FBRS: variants seen among roughly 807,000 people sequenced by gnomAD.
FBRS encodes the protein probable fibrosin-1.
In FBRS, 15 loss-of-function variants were observed where a neutral mutation model predicts 86.1. The ratio of observed to expected loss-of-function variants is 0.17; its 90% CI spans 0.12 to 0.27. The LOEUF (loss-of-function observed/expected upper bound fraction) is 0.27, where lower values mean the gene tolerates loss of function less well. Among genes scored for constraint, FBRS ranks in the 10% least tolerant of loss-of-function variants. The pLI, the probability that FBRS is intolerant of heterozygous loss-of-function variation, is 1.00. For synonymous variants in FBRS, 666 were observed against 575.8 expected (o/e 1.16, Z -2.24); for missense variants, 1,367 against 1,301.6 (o/e 1.05, Z -0.77).
rs948073738 is a variant in FBRS, at chr16:30,659,550, C to T, written c.32C>T (p.Pro11Leu). 6 of 316,956 alleles carry T rather than the reference C, an allele frequency of 1.9e-5. No individual in the cohort carries two copies. The highest frequency in any genetic ancestry group is 5.0e-5 in the Admixed American group (1 of 19,956). The allele number at this position is 316,956 out of a possible 1,614,324, so 19.6% of individuals were successfully genotyped here. A position where few individuals can be genotyped will look rare whatever the true frequency, so the allele number is the denominator to read the frequency against. The change falls in exon 1 of 18, where the codon CCG (proline) becomes CTG (leucine). Residue 11 changes from proline (P) to leucine (L), a missense_variant. Physicochemically the swap from Pro to Leu is moderately conservative, Grantham distance 98. This residue lies in a region of FBRS where 702 missense variants were observed against 598.7 expected (regional missense o/e 1.17). Coordinates refer to ENST00000356166, the MANE Select transcript of FBRS (RefSeq NM_001105079.3). METAAAAAPG[P>L]GWAAEGERRR... ...ACGGCAGCGGCCGCGGCCCCGGGTCCGGGCTGGGCAGCAGAGGGGGAGCGC... is the reference window on the plus strand; with the variant it reads ...ACGGCAGCGGCCGCGGCCCCGGGTCTGGGCTGGGCAGCAGAGGGGGAGCGC...
Position 30,664,303 on chromosome 16 carries a change from G to A in FBRS, c.1144G>A (p.Ala382Thr). The change falls in exon 7 of 18, where the codon GCC becomes ACC. Residue 382 changes from alanine to threonine, a missense_variant. By Grantham distance (58) the Ala-to-Thr change is moderately conservative. This residue lies in a region of FBRS where 702 missense variants were observed against 598.7 expected (regional missense o/e 1.17). Transcript: ENST00000356166. Reference protein sequence around the residue: ...SSSSSSSSSSASSSSAQLTHR... With the variant: ...SSSSSSSSSSTSSSSAQLTHR... ...CTCTTCGTCCTCCTCCTCCTCATCT[G>A]CCTCCTCCTCGTCCGCGCAGCTCAC... 1 of 1,504,856 alleles carries A rather than the reference G, an allele frequency of 6.6e-7. No individual in the cohort carries two copies. Among genetic ancestry groups the A allele is most frequent in the South Asian group, 1.3e-5 (1 of 78,772 alleles). 93.2% of individuals were successfully genotyped at this position (1,504,856 alleles called of 1,614,324 possible). A position where few individuals can be genotyped will look rare whatever the true frequency, so the allele number is the denominator to read the frequency against.
chr16:30,666,627 G>T, intron 12 of FBRS, 86 bp downstream of exon 12: 2 of 1,596,522 alleles, frequency 1.3e-6, no homozygotes, highest in Non-Finnish European at 1.7e-6. Context: ...TTACAAATAA[G>T]TGAGAAGCCC....
chr16:30,661,612 G>A (rs541626510), intron 4 of FBRS, among the ~76,000 whole-genome samples: 2 of 152,160 alleles, frequency 1.3e-5, no homozygotes, highest in Non-Finnish European at 2.9e-5. Flanking sequence ...GGTTCTCCAC[G>A]GAAACCCAGA....
In FBRS at chr16:30,659,814, C is replaced by T; in HGVS notation, c.296C>T (p.Pro99Leu). The T allele has an allele frequency of 6.6e-7, 1 of 1,517,796 alleles. No homozygotes were observed. Among genetic ancestry groups the T allele is most frequent in the South Asian group, 1.2e-5 (1 of 82,860 alleles). The allele number at this position is 1,517,796 out of a possible 1,614,324, so 94.0% of individuals were successfully genotyped here. ...CCGCGACCCCGAGCTCGGAAGCGGCCTGCCGGCTCGGGCAGCCGCGGGGAG... is the reference window on the plus strand; with the variant it reads ...CCGCGACCCCGAGCTCGGAAGCGGCTTGCCGGCTCGGGCAGCCGCGGGGAG... Reference protein sequence around the residue: ...RPPRPRARKRPAGSGSRGEEE... With the variant: ...RPPRPRARKRLAGSGSRGEEE... The change falls in exon 1 of 18, where the codon CCT (proline) becomes CTT (leucine). Residue 99 changes from proline to leucine, a missense_variant. Physicochemically the swap from Pro to Leu is moderately conservative, Grantham distance 98. Around this residue, in one of 3 missense-constraint regions of FBRS, gnomAD observed 702 missense variants for 598.7 expected, o/e 1.17. Coordinates refer to ENST00000356166, the MANE Select transcript of FBRS (RefSeq NM_001105079.3).
rs187653600 is a variant in FBRS, at chr16:30,669,683, C to G, written c.*38C>G. Reference sequence around the variant, plus strand: ...GGGGTCGGGGCAAAGCTCCATCTCCCCTTCCTTTAACCAGGTCCTAGGGCT... The same window carrying G: ...GGGGTCGGGGCAAAGCTCCATCTCCGCTTCCTTTAACCAGGTCCTAGGGCT... On this transcript the variant is annotated 3_prime_UTR_variant, in exon 18 of 18. Coordinates refer to ENST00000356166, the MANE Select transcript of FBRS (RefSeq NM_001105079.3). The surrounding 1 kb of genome is among the most constrained non-coding windows in gnomAD (Gnocchi z 5.9). 28 of 1,546,278 alleles carry G rather than the reference C, an allele frequency of 1.8e-5. No homozygotes were observed. The highest frequency in any genetic ancestry group is 6.0e-5 in the Admixed American group (3 of 50,272).
chr16:30,658,787 T>G lies in FBRS; in HGVS notation c.-732T>G, dbSNP rs1164087618. The G allele has an allele frequency of 1.3e-5, 2 of 152,006 alleles. No homozygotes were observed. Among genetic ancestry groups the G allele is most frequent in the Non-Finnish European group, 2.9e-5 (2 of 68,002 alleles). 9.4% of individuals were successfully genotyped at this position (152,006 alleles called of 1,614,324 possible). A position where few individuals can be genotyped will look rare whatever the true frequency, so the allele number is the denominator to read the frequency against. On this transcript the variant is annotated 5_prime_UTR_variant, in exon 1 of 18. Coordinates refer to ENST00000356166, the MANE Select transcript of FBRS (RefSeq NM_001105079.3). ...GCCCCTTTAAATCTCCTTAAAGGGG[T>G]GGCCACTGAACTCGGCGGACTGCAA...
At chr16:30,661,138 C>G (rs1351931338) in intron 2 of FBRS, 42 bp from the exon 3 acceptor site, 2 of 1,549,782 alleles carry the variant, frequency 1.3e-6, no homozygotes, top group African/African-American at 1.4e-5. Context: ...CCAGCTGCCT[C>G]AGCAGCCGCC....
At chr16:30,662,921 A>G in intron 6 of FBRS, 62 bp downstream of exon 6, 1 of 1,388,044 alleles carries the variant, frequency 7.2e-7, no homozygotes, top group Non-Finnish European at 9.4e-7. Context: ...TGGCGGGGAC[A>G]CAGGATGGTA....
At position 30,660,628 on chromosome 16, in the gene FBRS, C is replaced by G. The variant is rs558541241; in HGVS notation, c.639+186C>G. On this transcript the variant is annotated intron_variant, in intron 2 of 17. Transcript: ENST00000356166. ...GCCTGTCTACAGTCAGGTGCACCTC[C>G]TTTTGCCTGGTTCTGTGTCTACTTC... 1.1e-5 allele frequency: 11 copies of G among 987,724 alleles called. No homozygotes were observed. The East Asian group carries it at 1.6e-4, about 15-fold the overall frequency. The allele number at this position is 987,724 out of a possible 1,614,324, so 61.2% of individuals were successfully genotyped here.
intron 15 of FBRS, 53 bp from the exon 16 acceptor site, chr16:30,668,507 C>G (rs759849761): frequency 1.9e-4 from 298 of 1,534,706 alleles, no homozygotes; most frequent in Admixed American, 3.1e-4. Context: ...AGGCCTGGTG[C>G]CTGCTCAGCA....
chr16:30,662,020 A>C (rs1008675057), intron 4 of FBRS: 6 of 211,046 alleles, frequency 2.8e-5, no homozygotes, highest in Non-Finnish European at 5.7e-5. Flanking sequence ...TGCAAGCCTG[A>C]GTTTTAATGA....
rs758655309 is a variant in FBRS at position 30,664,701 on chromosome 16, G to A, written c.1358-14G>A. On this transcript the variant is annotated splice_polypyrimidine_tract_variant and intron_variant, in intron 7 of 17. Coordinates refer to ENST00000356166, the MANE Select transcript of FBRS (RefSeq NM_001105079.3). ...GGCGACAGCATTAAAGCCTTCTCCC[G>A]TCCCCTCCCACAGAGCAGGACCTGA... 27 of 1,504,518 alleles carry A rather than the reference G, an allele frequency of 1.8e-5. No homozygotes were observed. The highest frequency in any genetic ancestry group is 1.3e-4 in the South Asian group (10 of 77,872). 93.2% of individuals were successfully genotyped at this position (1,504,518 alleles called of 1,614,324 possible).
In FBRS at chr16:30,668,570, G is replaced by A; in HGVS notation, c.2085G>A (p.Gly695=). The A allele has an allele frequency of 6.2e-7, 1 of 1,611,994 alleles. No individual in the cohort carries two copies. Among genetic ancestry groups the A allele is most frequent in the Non-Finnish European group, 8.5e-7 (1 of 1,178,824 alleles). The change falls in exon 16 of 18, where the codon GGG becomes GGA. Residue 695 remains glycine (G), a synonymous_variant. Transcript: ENST00000356166. ...CCTTTCCTCCCACAGATCCCTTTGGGCGTCCCACAAGCTTCGCCTCTTTGG... is the reference window on the plus strand; with the variant it reads ...CCTTTCCTCCCACAGATCCCTTTGGACGTCCCACAAGCTTCGCCTCTTTGG... The part of the protein sequence containing the change: ...LSPSTHIDPF[G]RPTSFASLAA...
rs1022429437 is a variant in FBRS, at chr16:30,664,310, C to T, written c.1151C>T (p.Ser384Phe). 2.6e-6 allele frequency: 4 copies of T among 1,541,088 alleles called. No homozygotes were observed. The highest frequency in any genetic ancestry group is 1.7e-4 in the Middle Eastern group (1 of 5,978). Reference protein sequence around the residue: ...SSSSSSSSASSSSAQLTHRPP... With the variant: ...SSSSSSSSASFSSAQLTHRPP... ...TCCTCCTCCTCCTCATCTGCCTCCT[C>T]CTCGTCCGCGCAGCTCACCCACCGG... Residue 384 changes from serine (S) to phenylalanine (F), a missense_variant, in exon 7 of 18, where the codon TCC (serine) becomes TTC (phenylalanine). Ser to Phe is a radical substitution (Grantham distance 155). Transcript: ENST00000356166.
At chr16:30,668,449 A>G (rs967228504) in intron 15 of FBRS, 111 bp from the exon 16 acceptor site, 7 of 910,546 alleles carry the variant, frequency 7.7e-6, no homozygotes, top group African/African-American at 6.6e-5. Context: ...TGGCTGCTGA[A>G]AGCAGGCAGC....
Position 30,669,652 on chromosome 16 carries a change from C to CG in FBRS, c.*16dup, listed in dbSNP as rs569538632. 9,805 of 1,503,104 alleles carry CG rather than the reference C, an allele frequency of 6.5e-3. 136 individuals carry two copies. The African/African-American group carries it at 0.076, about 12-fold the overall frequency. The allele number at this position is 1,503,104 out of a possible 1,614,324, so 93.1% of individuals were successfully genotyped here. On this transcript the variant is annotated 3_prime_UTR_variant, in exon 18 of 18. Transcript: ENST00000356166. The surrounding 1 kb of genome is among the most constrained non-coding windows in gnomAD (Gnocchi z 5.9). ...AGCTCGGGCTGACAGGTGAGGGGAACGGGGGGGGGTCGGGGCAAAGCTCCA... is the reference window on the plus strand; with the variant it reads ...AGCTCGGGCTGACAGGTGAGGGGAACGGGGGGGGGGTCGGGGCAAAGCTCCA...
Position 30,665,224 on chromosome 16 carries a change from T to A in FBRS, c.1609-82T>A. On this transcript the variant is annotated intron_variant, in intron 9 of 17. Transcript: ENST00000356166. The surrounding 1 kb of genome is among the most constrained non-coding windows in gnomAD (Gnocchi z 4.1). ...GACAGCTCCCTGGGGGGCTTTAGGG[T>A]GGAGGCCCGTGGACTGACGGGCAGG... is the stretch of plus-strand genomic sequence containing the variant. 6.6e-7 allele frequency: 1 copy of A among 1,509,004 alleles called. No homozygotes were observed. The highest frequency in any genetic ancestry group is 8.9e-7 in the Non-Finnish European group (1 of 1,118,136). The allele number at this position is 1,509,004 out of a possible 1,614,324, so 93.5% of individuals were successfully genotyped here. A position where few individuals can be genotyped will look rare whatever the true frequency, so the allele number is the denominator to read the frequency against.
chr16:30,664,587 A>G, intron 7 of FBRS, 71 bp downstream of exon 7: 1 of 1,431,058 alleles, frequency 7.0e-7, no homozygotes, highest in African/African-American at 1.4e-5. Flanking sequence ...GCTTTGGGGC[A>G]CCTGAGCCTC....
intron 2 of FBRS, among the ~76,000 whole-genome samples, chr16:30,660,810 A>G (rs919126868): frequency 4.6e-5 from 7 of 152,142 alleles, no homozygotes; most frequent in African/African-American, 1.7e-4. Flanking sequence ...ACAGAAGACA[A>G]AGATGGGGAG....
Sources: gnomAD v4.1 joint callset for allele counts (sites outside exome capture counted in the v4.1 genomes callset) on GRCh38, gnomAD v4.1.1 for gene constraint, gnomAD v4.1.1 regional missense constraint, Gnocchi (gnomAD v3.1) non-coding constraint, MANE v1.5 for transcripts, NCBI Gene and HGNC (gene_info 2026-07-23, HGNC 2026-07-21) for gene names.